RBFOX3: variants seen among roughly 807,000 people sequenced by gnomAD.
RBFOX3 encodes RNA binding protein fox-1 homolog 3.
Under a neutral mutation model 48.7 loss-of-function variants are expected in RBFOX3, and 17 were observed. The observed-to-expected ratio is 0.35, with a 90% confidence interval of 0.24 to 0.52. The LOEUF (loss-of-function observed/expected upper bound fraction) is 0.52, where lower values mean the gene tolerates loss of function less well. RBFOX3 is among the 20% of genes least tolerant of loss of function. RBFOX3 has a pLI of 0.94. For synonymous variants in RBFOX3, 212 were observed against 209.5 expected, an observed-to-expected ratio of 1.01 and a Z score of -0.10; for missense variants, 382 against 497.5, an observed-to-expected ratio of 0.77 and a Z score of 2.21.
At chr17:79,210,739 G>A (rs1027652959) in intron 4 of RBFOX3, among the ~76,000 whole-genome samples, 2 of 152,248 alleles carry the variant, frequency 1.3e-5, no homozygotes, top group Non-Finnish European at 2.9e-5. Context: ...CCATCTGCAC[G>A]TCTGGTGCCT....
At chr17:79,537,083 CAAACAAAACA>C (rs1157121055) in intron 1 of RBFOX3, among the ~76,000 whole-genome samples, 1 of 139,436 alleles carries the variant, frequency 7.2e-6, no homozygotes, top group African/African-American at 2.6e-5. Flanking sequence ...GACTCCGTCT[CAAACAAAACA>C]AAACAAAACA....
At chr17:79,593,519 C>T (rs1256119125) in intron 1 of RBFOX3, among the ~76,000 whole-genome samples, 3 of 152,016 alleles carry the variant, frequency 2.0e-5, no homozygotes, top group Admixed American at 1.3e-4. Flanking sequence ...GGAGGGTGGG[C>T]GTGGAGAAAG....
At chr17:79,552,811 CATTAT>C (rs1304966821) in intron 1 of RBFOX3, among the ~76,000 whole-genome samples, 3 of 152,084 alleles carry the variant, frequency 2.0e-5, no homozygotes, top group African/African-American at 7.2e-5. Context: ...CCTTTTCTCC[CATTAT>C]ATTACTGTTG....
the RBFOX3 span, among the ~76,000 whole-genome samples, chr17:79,659,391 G>C: frequency 1.3e-5 from 2 of 152,094 alleles, no homozygotes; most frequent in African/African-American, 2.4e-5. Flanking sequence ...TGCTTTAAGG[G>C]GGTGACTTGG....
intron 1 of RBFOX3, among the ~76,000 whole-genome samples, chr17:79,514,602 G>A (rs2084981763): frequency 6.6e-6 from 1 of 152,180 alleles, no homozygotes; most frequent in Non-Finnish European, 1.5e-5. Flanking sequence ...AGGCTCTGGG[G>A]CCACAGGCAA....
At chr17:79,529,098 C>T (rs2150063524) in intron 1 of RBFOX3, among the ~76,000 whole-genome samples, 1 of 152,270 alleles carries the variant, frequency 6.6e-6, no homozygotes, top group African/African-American at 2.4e-5. Context: ...TCTCATTTAA[C>T]ACCGGAAGGA....
chr17:79,248,710 G>A (rs976763513), intron 3 of RBFOX3, among the ~76,000 whole-genome samples: 2 of 152,118 alleles, frequency 1.3e-5, no homozygotes, highest in Admixed American at 6.5e-5. Flanking sequence ...CAACCCTATC[G>A]GGGGGTGCTT....
intron 4 of RBFOX3, among the ~76,000 whole-genome samples, chr17:79,118,814 T>TA (rs34700433): frequency 0.032 from 4,604 of 142,324 alleles, 237 homozygotes; most frequent in African/African-American, 0.11. Flanking sequence ...CTACAAAAAA[T>TA]AAAAAAAAAA....
At chr17:79,587,227 A>T (rs1352276746) in intron 1 of RBFOX3, among the ~76,000 whole-genome samples, 1 of 152,204 alleles carries the variant, frequency 6.6e-6, no homozygotes, top group Non-Finnish European at 1.5e-5. Flanking sequence ...AGAAGGGAGC[A>T]TGGCTGGTCA....
At chr17:79,569,171 G>T (rs2092575504) in intron 1 of RBFOX3, among the ~76,000 whole-genome samples, 1 of 151,520 alleles carries the variant, frequency 6.6e-6, no homozygotes, top group African/African-American at 2.4e-5. Flanking sequence ...GTGCACCCAT[G>T]ACTATGACCC....
chr17:79,298,077 G>C (rs1248847012), intron 3 of RBFOX3: 1 of 152,150 alleles, frequency 6.6e-6, no homozygotes, highest in Admixed American at 6.5e-5. Flanking sequence ...GTTAAAGGTA[G>C]ATATGAGCCA....
At chr17:79,163,325 T>C (rs578232818) in intron 4 of RBFOX3, among the ~76,000 whole-genome samples, 1 of 152,326 alleles carries the variant, frequency 6.6e-6, no homozygotes, top group East Asian at 1.9e-4. Context: ...CTCAGTGTTC[T>C]GAGGGTGTCA....
the RBFOX3 span, among the ~76,000 whole-genome samples, chr17:79,627,073 C>T: frequency 5.9e-5 from 9 of 152,320 alleles, no homozygotes; most frequent in African/African-American, 1.9e-4. Flanking sequence ...GGGGCTCAGA[C>T]GGTCATCTGA....
At chr17:79,543,109 C>T (rs35806958) in intron 1 of RBFOX3, among the ~76,000 whole-genome samples, 32,744 of 152,020 alleles carry the variant, frequency 0.22, 4,149 homozygotes, top group East Asian at 0.49. Context: ...ACATGTAACC[C>T]GGCATACGGC....
At chr17:79,368,883 A>T (rs1440543375) in intron 2 of RBFOX3, among the ~76,000 whole-genome samples, 3 of 152,216 alleles carry the variant, frequency 2.0e-5, no homozygotes, top group African/African-American at 7.2e-5. Flanking sequence ...CTGTGGCAAA[A>T]TCTACTTTTC....
At chr17:79,425,089 G>T (rs1236074275) in intron 2 of RBFOX3, among the ~76,000 whole-genome samples, 2 of 152,126 alleles carry the variant, frequency 1.3e-5, no homozygotes, top group Admixed American at 1.3e-4. Context: ...CCCAAGGCCT[G>T]TTATGCCCCA....
At chr17:79,542,741 C>T (rs1335599656) in intron 1 of RBFOX3, among the ~76,000 whole-genome samples, 1 of 152,218 alleles carries the variant, frequency 6.6e-6, no homozygotes, top group Non-Finnish European at 1.5e-5. Context: ...TGAGATCACA[C>T]CACTGCACTC....
chr17:79,392,350 C>T lies in RBFOX3; in HGVS notation c.-174-84526G>A, dbSNP rs2124602. ...CTTACTAGCTGTGTGATCCTGGGCA[C>T]GTGATTTCACCGTCTTTCATTGTGG... On this transcript the variant is annotated intron_variant, in intron 2 of 14. Coordinates refer to ENST00000693108, the MANE Select transcript of RBFOX3 (RefSeq NM_001350451.2). The surrounding 1 kb of genome is among the most constrained non-coding windows in gnomAD (Gnocchi z 5.0). Among the ~76,000 whole-genome samples, 11 of 152,134 alleles carry T rather than the reference C, an allele frequency of 7.2e-5. No individual in the cohort carries two copies. Among genetic ancestry groups the T allele is most frequent in the African/African-American group, 2.2e-4 (9 of 41,510 alleles).
intron 4 of RBFOX3, among the ~76,000 whole-genome samples, chr17:79,137,966 T>A (rs913436688): frequency 2.6e-5 from 4 of 152,162 alleles, no homozygotes; most frequent in African/African-American, 9.7e-5. Flanking sequence ...TCTTCTTCTC[T>A]AGAAGCCATG....
Sources: allele counts gnomAD v4.1 joint callset (sites outside exome capture counted in the v4.1 genomes callset), GRCh38; gene constraint gnomAD v4.1.1; non-coding constraint Gnocchi (gnomAD v3.1); transcripts MANE v1.5; gene names NCBI Gene and HGNC (gene_info 2026-07-23, HGNC 2026-07-21).